The following AMMECR1 variants were observed in gnomAD, a reference collection of about 807,000 sequenced individuals.
AMMECR1 encodes AMMECR nuclear protein 1, also known as nuclear protein AMMECR1.
AMMECR1 carries 3 observed loss-of-function variants against 22.5 expected under a neutral mutation model. That is an observed-to-expected ratio of 0.13 (90% CI 0.06 to 0.35). AMMECR1 has a LOEUF of 0.35. Ranked by LOEUF, AMMECR1 falls within the 10% of genes least tolerant of loss-of-function variation. The probability of loss-of-function intolerance (pLI) is 1.00; values close to 1 mark genes in which losing one functional copy is unlikely to be tolerated. For synonymous variants in AMMECR1, 130 were observed against 116.7 expected, an observed-to-expected ratio of 1.11 and a Z score of -0.74; for missense variants, 235 against 278.7, an observed-to-expected ratio of 0.84 and a Z score of 1.12.
intron 2 of AMMECR1, among the ~76,000 whole-genome samples, chrX:110,324,007 A>ATT (rs754004526): frequency 1.2e-3 from 118 of 98,988 alleles, no homozygotes; most frequent in African/African-American, 3.7e-3. Context: ...TGTTCATTGT[A>ATT]TTTTTTTTTT....
chrX:110,277,331 G>T (rs1035212030), intron 1 of AMMECR1, among the ~76,000 whole-genome samples: 1 of 106,838 alleles, frequency 9.4e-6, no homozygotes, highest in Non-Finnish European at 1.9e-5. Context: ...ACCAAACACC[G>T]CATGTTCTCA....
chrX:110,365,174 G>T (rs1369592983), intron 2 of AMMECR1, among the ~76,000 whole-genome samples: 1 of 111,792 alleles, frequency 8.9e-6, no homozygotes, highest in Admixed American at 9.5e-5. Flanking sequence ...TCCACTGAGT[G>T]ACACCTGGGG....
At chrX:110,252,832 T>C (rs755474663) in intron 2 of AMMECR1, among the ~76,000 whole-genome samples, 15 of 112,489 alleles carry the variant, frequency 1.3e-4, no homozygotes, top group African/African-American at 4.5e-4. Context: ...CTCACAAATA[T>C]ACAAGTAAAT....
intron 1 of AMMECR1, among the ~76,000 whole-genome samples, chrX:110,295,029 A>T (rs926009211): frequency 6.6e-5 from 7 of 105,857 alleles, no homozygotes; most frequent in South Asian, 3.9e-4. Context: ...CCTCTATTTT[A>T]AAAAAAAAAG....
intron 2 of AMMECR1, among the ~76,000 whole-genome samples, chrX:110,252,098 C>T (rs1179564256): frequency 1.8e-5 from 2 of 110,950 alleles, no homozygotes; most frequent in Non-Finnish European, 3.8e-5. Flanking sequence ...TCACAACAAA[C>T]TTACCAGTTT....
At chrX:110,233,239 G>T (rs184731045) in intron 2 of AMMECR1, among the ~76,000 whole-genome samples, 2 of 111,728 alleles carry the variant, frequency 1.8e-5, no homozygotes, top group Non-Finnish European at 3.8e-5. Flanking sequence ...TAGAAGAAAT[G>T]GATAAATTCC....
intron 2 of AMMECR1, among the ~76,000 whole-genome samples, chrX:110,380,744 G>T (rs1399522115): frequency 8.9e-6 from 1 of 112,068 alleles, no homozygotes. Context: ...TACAGAAAAA[G>T]ACATATAGAC....
chrX:110,396,150 T>A (rs1415032769), intron 2 of AMMECR1, among the ~76,000 whole-genome samples: 18 of 111,561 alleles, frequency 1.6e-4, no homozygotes, highest in Non-Finnish European at 3.8e-5. Flanking sequence ...CATCCAGTAT[T>A]AGTCATACCT....
intron 2 of AMMECR1, among the ~76,000 whole-genome samples, chrX:110,334,582 T>C (rs2068133577): frequency 8.9e-6 from 1 of 112,279 alleles, no homozygotes; most frequent in Middle Eastern, 4.6e-3. Context: ...CTAGGTTGCC[T>C]GTATTGAGAT....
rs763322505 is a variant in AMMECR1, at chrX:110,376,622, A to G, written c.-148+50036T>C. Among the ~76,000 whole-genome samples, 26 of 112,573 alleles carry G rather than the reference A, an allele frequency of 2.3e-4. No homozygotes were observed. The Middle Eastern group carries it at 0.018, about 80-fold the overall frequency. ...TGAGGCAGCACCAACACTCAGAAGA[A>G]AACAAAAAAGAAACTCTTTTAGTGG... On this transcript the variant is annotated intron_variant, in intron 2 of 7. Transcript: ENST00000372057.
At chrX:110,400,629 C>T (rs1274849468) in intron 2 of AMMECR1, among the ~76,000 whole-genome samples, 1 of 111,596 alleles carries the variant, frequency 9.0e-6, no homozygotes, top group African/African-American at 3.3e-5. Context: ...AATACACTCT[C>T]TTTCCTTGTC....
At chrX:110,411,713 A>C (rs1486012384) in intron 2 of AMMECR1, among the ~76,000 whole-genome samples, 1 of 112,567 alleles carries the variant, frequency 8.9e-6, no homozygotes, top group Non-Finnish European at 1.9e-5. Context: ...ACAATGGTTT[A>C]TTATTCAGAA....
rs2067758314 is a variant in AMMECR1, at chrX:110,264,613, T to C, written c.474-14A>G. On this transcript the variant is annotated splice_polypyrimidine_tract_variant and intron_variant, in intron 1 of 5. Transcript: ENST00000262844. ...ACAAACAGTGGGCTGTAATGGAAGA[T>C]AAAAATAGGGTAAATAAATCAATTC... The C allele has an allele frequency of 1.8e-6, 2 of 1,097,434 alleles. No individual in the cohort carries two copies. The highest frequency in any genetic ancestry group is 1.8e-5 in the African/African-American group (1 of 54,613). 90.4% of individuals were successfully genotyped at this position (1,097,434 alleles called of 1,213,427 possible). A position where few individuals can be genotyped will look rare whatever the true frequency, so the allele number is the denominator to read the frequency against.
chrX:110,224,594 G>A lies in AMMECR1; in HGVS notation c.585-7962C>T, dbSNP rs183705582. On this transcript the variant is annotated intron_variant, in intron 2 of 5. Coordinates refer to ENST00000262844, the MANE Select transcript of AMMECR1 (RefSeq NM_015365.3). ...CAAGTAAGGTACATCTTCATCAAGA[G>A]TTTCCATTATACTGCAGGCAGGGAT... Among the ~76,000 whole-genome samples, 18 of 111,319 alleles carry A rather than the reference G, an allele frequency of 1.6e-4. No homozygotes were observed. The East Asian group carries it at 4.8e-3, about 29-fold the overall frequency.
At chrX:110,269,714 C>T (rs1016731248) in intron 1 of AMMECR1, among the ~76,000 whole-genome samples, 2 of 111,680 alleles carry the variant, frequency 1.8e-5, no homozygotes, top group Admixed American at 9.5e-5. Context: ...TGCAGAAGTA[C>T]AGAAATGATG....
At chrX:110,213,877 T>G (rs1460554642) in intron 3 of AMMECR1, among the ~76,000 whole-genome samples, 1 of 110,982 alleles carries the variant, frequency 9.0e-6, no homozygotes, top group Non-Finnish European at 1.9e-5. Flanking sequence ...GAAACAATGA[T>G]GAACTAACTG....
intron 1 of AMMECR1, among the ~76,000 whole-genome samples, chrX:110,290,623 T>C (rs1443963672): frequency 9.0e-6 from 1 of 111,444 alleles, no homozygotes; most frequent in Non-Finnish European, 1.9e-5. Flanking sequence ...TTTTATAAAA[T>C]ATTTCTGGTG....
rs139510205 is a variant in AMMECR1, at chrX:110,339,064, C to A, written c.-147-21215G>T. 2.7e-3 allele frequency among the ~76,000 whole-genome samples: 306 copies of A among 111,501 alleles called. 1 individual carries two copies. The highest frequency in any genetic ancestry group is 9.6e-3 in the African/African-American group (294 of 30,704). On this transcript the variant is annotated intron_variant, in intron 2 of 7. Transcript: ENST00000372057. ...TTCTTTCACCTAAGGAGGCTGGGAC[C>A]TTTGAGTAAAAAATTAAAAGCAAAA...
At chrX:110,388,157 G>A (rs1189198713) in intron 2 of AMMECR1, among the ~76,000 whole-genome samples, 1 of 111,445 alleles carries the variant, frequency 9.0e-6, no homozygotes, top group South Asian at 3.8e-4. Context: ...GTGAGCCACC[G>A]CCCAGCCTGA....
Sources: allele counts gnomAD v4.1 joint callset (sites outside exome capture counted in the v4.1 genomes callset), GRCh38; gene constraint gnomAD v4.1.1; transcripts MANE v1.5; gene names NCBI Gene and HGNC (gene_info 2026-07-23, HGNC 2026-07-21).